The following LHFPL3 variants were observed in gnomAD, a reference collection of about 807,000 sequenced individuals.
LHFPL3 encodes the protein LHFPL tetraspan subfamily member 3 protein.
A neutral mutation model predicts 19.3 loss-of-function variants in LHFPL3; 5 were observed. That is an observed-to-expected ratio of 0.26 (90% CI 0.14 to 0.54). LHFPL3 has a LOEUF of 0.54. LHFPL3 is among the 20% of genes least tolerant of loss of function. The pLI is 0.94. For synonymous variants in LHFPL3, 133 were observed against 126.2 expected (o/e 1.05, Z -0.36); for missense variants, 249 against 307.4 (o/e 0.81, Z 1.42).
At chr7:104,760,380 CTTAA>C (rs1177043317) in intron 2 of LHFPL3, among the ~76,000 whole-genome samples, 4 of 152,112 alleles carry the variant, frequency 2.6e-5, no homozygotes, top group Non-Finnish European at 4.4e-5. Flanking sequence ...TTTATTCCTT[CTTAA>C]TTAATTATTA....
chr7:104,369,670 T>C (rs6465983), intron 1 of LHFPL3, among the ~76,000 whole-genome samples: 97,360 of 152,116 alleles, frequency 0.64, 31,781 homozygotes, highest in African/African-American at 0.76. Flanking sequence ...GTTCGTTTCT[T>C]CATATCCTTG....
intron 2 of LHFPL3, among the ~76,000 whole-genome samples, chr7:104,813,373 AAAAG>A (rs1377222346): frequency 4.6e-5 from 7 of 152,240 alleles, no homozygotes; most frequent in Middle Eastern, 3.2e-3. Context: ...GGTAACCTCA[AAAAG>A]AAAGCCAGGG....
chr7:104,414,463 G>A lies in LHFPL3; in HGVS notation c.445+85239G>A, dbSNP rs551180544. On this transcript the variant is annotated intron_variant, in intron 1 of 2. Coordinates refer to ENST00000424859, the MANE Select transcript of LHFPL3 (RefSeq NM_199000.3). ...AGTATTCTGAGCAACACGTGATTGC[G>A]CCCAGATCTGAGGATGGGGAACTCT... 4.6e-5 allele frequency among the ~76,000 whole-genome samples: 7 copies of A among 152,246 alleles called. No homozygotes were observed. In the South Asian group the frequency reaches 8.3e-4, roughly 18 times the overall value.
intron 1 of LHFPL3, among the ~76,000 whole-genome samples, chr7:104,403,984 T>G (rs985319946): frequency 3.3e-5 from 5 of 152,346 alleles, no homozygotes; most frequent in South Asian, 4.1e-4. Context: ...AAAGTTTTAT[T>G]GGAACACAGC....
At chr7:104,570,234 T>C (rs1790207806) in intron 1 of LHFPL3, among the ~76,000 whole-genome samples, 1 of 152,226 alleles carries the variant, frequency 6.6e-6, no homozygotes, top group Non-Finnish European at 1.5e-5. Context: ...TTTTGCCTGC[T>C]CTTGTTTGCC....
At chr7:104,716,309 T>G (rs1402455890) in intron 1 of LHFPL3, among the ~76,000 whole-genome samples, 1 of 151,536 alleles carries the variant, frequency 6.6e-6, no homozygotes, top group Non-Finnish European at 1.5e-5. Flanking sequence ...ATTGCACCAC[T>G]GCAGCCTGGG....
chr7:104,773,972 C>T (rs527430584), intron 2 of LHFPL3, among the ~76,000 whole-genome samples: 62 of 152,300 alleles, frequency 4.1e-4, no homozygotes, highest in African/African-American at 6.5e-4. Context: ...GCCCTAGAGA[C>T]GAACACAAAG....
At chr7:104,385,591 C>T (rs1488508286) in intron 1 of LHFPL3, among the ~76,000 whole-genome samples, 1 of 152,138 alleles carries the variant, frequency 6.6e-6, no homozygotes, top group Non-Finnish European at 1.5e-5. Context: ...CACCTGAGTT[C>T]CCTGAGAGCA....
intron 1 of LHFPL3, among the ~76,000 whole-genome samples, chr7:104,396,964 CTG>C (rs1020493818): frequency 6.6e-6 from 1 of 151,938 alleles, no homozygotes; most frequent in Non-Finnish European, 1.5e-5. Flanking sequence ...GAGTGAGACA[CTG>C]TCTTAAAAAA....
chr7:104,436,851 A>C (rs1792116807), intron 1 of LHFPL3, among the ~76,000 whole-genome samples: 1 of 152,222 alleles, frequency 6.6e-6, no homozygotes, highest in Non-Finnish European at 1.5e-5. Flanking sequence ...TATTTGTATT[A>C]AGTGATTCCT....
intron 1 of LHFPL3, among the ~76,000 whole-genome samples, chr7:104,505,246 C>A (rs918802896): frequency 2.6e-5 from 4 of 152,200 alleles, no homozygotes; most frequent in African/African-American, 9.6e-5. Flanking sequence ...TGTCTTCTAA[C>A]TCCATGATTA....
At chr7:104,570,043 C>A (rs942376056) in intron 1 of LHFPL3, among the ~76,000 whole-genome samples, 1 of 152,218 alleles carries the variant, frequency 6.6e-6, no homozygotes, top group Admixed American at 6.5e-5. Context: ...ATGCTAATTT[C>A]TCTCAAATAC....
At chr7:104,411,952 A>T (rs987833754) in intron 1 of LHFPL3, among the ~76,000 whole-genome samples, 3 of 152,178 alleles carry the variant, frequency 2.0e-5, no homozygotes, top group African/African-American at 7.2e-5. Flanking sequence ...TTTCCTTGCA[A>T]ATCTCCCGTC....
chr7:104,747,854 A>C (rs1355368183), intron 2 of LHFPL3, among the ~76,000 whole-genome samples: 1 of 152,180 alleles, frequency 6.6e-6, no homozygotes, highest in African/African-American at 2.4e-5. Flanking sequence ...GCAAATTCTG[A>C]CTTCAGTAGT....
At chr7:104,485,607 G>C (rs1184700660) in intron 1 of LHFPL3, among the ~76,000 whole-genome samples, 1 of 152,106 alleles carries the variant, frequency 6.6e-6, no homozygotes, top group Non-Finnish European at 1.5e-5. Flanking sequence ...ACCATTTAAT[G>C]ATTAGATTTT....
chr7:104,743,615 C>G (rs1447074816), intron 2 of LHFPL3, among the ~76,000 whole-genome samples: 2 of 152,166 alleles, frequency 1.3e-5, no homozygotes, highest in East Asian at 3.8e-4. Flanking sequence ...ATTCTCATTA[C>G]TAAGCATTTT....
At chr7:104,724,680 G>T (rs572050557) in intron 1 of LHFPL3, among the ~76,000 whole-genome samples, 1 of 152,270 alleles carries the variant, frequency 6.6e-6, no homozygotes, top group Admixed American at 6.5e-5. Context: ...CCTGGGTTAT[G>T]AAATAATCTG....
intron 1 of LHFPL3, among the ~76,000 whole-genome samples, chr7:104,525,361 TTTA>T (rs1388272252): frequency 2.2e-4 from 33 of 151,936 alleles, no homozygotes; most frequent in Admixed American, 2.2e-3. Flanking sequence ...GCCTCCTGAG[TTTA>T]TTATTTTCAT....
intron 1 of LHFPL3, among the ~76,000 whole-genome samples, chr7:104,613,579 C>T (rs1165087658): frequency 6.6e-6 from 1 of 152,094 alleles, no homozygotes; most frequent in African/African-American, 2.4e-5. Flanking sequence ...CTTTCAAACT[C>T]AACCTAATTC....
Sources: gnomAD v4.1 joint callset for allele counts (sites outside exome capture counted in the v4.1 genomes callset) on GRCh38, gnomAD v4.1.1 for gene constraint, MANE v1.5 for transcripts, NCBI Gene and HGNC (gene_info 2026-07-23, HGNC 2026-07-21) for gene names.